Variants in TMEM74 observed in about 807,000 individuals in gnomAD.
The protein encoded by TMEM74 is transmembrane protein 74.
Under a neutral mutation model 18.1 loss-of-function variants are expected in TMEM74, and 13 were observed. The ratio of observed to expected loss-of-function variants is 0.72; its 90% CI spans 0.47 to 1.14. The LOEUF (loss-of-function observed/expected upper bound fraction) is 1.14, where lower values mean the gene tolerates loss of function less well. Ranked by LOEUF, TMEM74 falls within the 50% of genes most tolerant of loss-of-function variation. The pLI is 0.00. For synonymous variants in TMEM74, 159 were observed against 146.6 expected, an observed-to-expected ratio of 1.08 and a Z score of -0.61; for missense variants, 372 against 375.9, an observed-to-expected ratio of 0.99 and a Z score of 0.09.
chr8:108,695,495 C>T (rs563435899), intron 1 of TMEM74, among the ~76,000 whole-genome samples: 6 of 152,110 alleles, frequency 3.9e-5, no homozygotes, highest in Non-Finnish European at 8.8e-5. Context: ...CACAATGACT[C>T]TATGTCATAG....
intron 1 of TMEM74, among the ~76,000 whole-genome samples, chr8:108,679,770 T>C (rs1396308291): frequency 6.6e-6 from 1 of 152,192 alleles, no homozygotes; most frequent in Non-Finnish European, 1.5e-5. Context: ...CATTTGTCAA[T>C]TTTGGCTTTT....
At position 108,649,178 on chromosome 8, in the gene TMEM74, G is replaced by A. The variant is rs186513344; in HGVS notation, n.264+6115C>T. ...CTTTCAAAGAGCAATTATGTTCCTA[G>A]AAGTCTCATCTTGAGCATGTTGCTT... On this transcript the variant is annotated intron_variant and non_coding_transcript_variant, in intron 2 of 3. Coordinates refer to the TMEM74 transcript ENST00000518838. Among the ~76,000 whole-genome samples, 1,029 of 152,208 alleles carry A rather than the reference G, an allele frequency of 6.8e-3. 8 individuals are homozygous for A. Among genetic ancestry groups the A allele is most frequent in the Non-Finnish European group, 0.011 (747 of 68,006 alleles).
intron 1 of TMEM74, among the ~76,000 whole-genome samples, chr8:108,756,699 G>GAAAGAAAGAAA (rs1563543826): frequency 1.6e-4 from 7 of 44,456 alleles, no homozygotes; most frequent in Middle Eastern, 0.012. Flanking sequence ...AAAGAAAGAA[G>GAAAGAAAGAAA]GAAGGAAAGA....
chr8:108,755,666 A>G (rs1813952407), intron 1 of TMEM74, among the ~76,000 whole-genome samples: 2 of 152,034 alleles, frequency 1.3e-5, no homozygotes, highest in African/African-American at 2.4e-5. Flanking sequence ...TTTTTTAATG[A>G]TGTTTAAGAA....
intron 2 of TMEM74, among the ~76,000 whole-genome samples, chr8:108,612,103 C>A (rs1238213984): frequency 6.6e-6 from 1 of 152,086 alleles, no homozygotes; most frequent in East Asian, 1.9e-4. Flanking sequence ...AATCACCTCC[C>A]AATGGGCCCC....
At chr8:108,625,829 T>A (rs1812488139) in intron 2 of TMEM74, among the ~76,000 whole-genome samples, 1 of 151,990 alleles carries the variant, frequency 6.6e-6, no homozygotes, top group Admixed American at 6.6e-5. Flanking sequence ...CCTAAAAAAA[T>A]TATATTTGGA....
At chr8:108,735,778 C>T (rs1000987018) in intron 1 of TMEM74, among the ~76,000 whole-genome samples, 1 of 152,082 alleles carries the variant, frequency 6.6e-6, no homozygotes, top group Non-Finnish European at 1.5e-5. Flanking sequence ...ATATTGCCCA[C>T]TCCTTAATAT....
intron 1 of TMEM74, among the ~76,000 whole-genome samples, chr8:108,700,433 T>C (rs1586265965): frequency 6.6e-6 from 1 of 152,228 alleles, no homozygotes; most frequent in African/African-American, 2.4e-5. Context: ...CGAAATAAAA[T>C]TGTGCCCTAG....
chr8:108,774,064 A>G (rs1295833823), downstream of TMEM74, among the ~76,000 whole-genome samples: 1 of 152,238 alleles, frequency 6.6e-6, no homozygotes, highest in Non-Finnish European at 1.5e-5. Context: ...TCACTTGAGG[A>G]AAAAAGAAGG....
chr8:108,686,622 G>T (rs1586260822), intron 1 of TMEM74, among the ~76,000 whole-genome samples: 2 of 151,910 alleles, frequency 1.3e-5, no homozygotes, highest in Admixed American at 1.3e-4. Flanking sequence ...TCCTTTAGCT[G>T]GGTGAGTAAT....
chr8:108,623,403 A>G (rs1047693999), intron 2 of TMEM74, among the ~76,000 whole-genome samples: 1 of 152,110 alleles, frequency 6.6e-6, no homozygotes, highest in Non-Finnish European at 1.5e-5. Context: ...TAGTCTTGAA[A>G]TGGCTTCTCC....
intron 1 of TMEM74, among the ~76,000 whole-genome samples, chr8:108,735,520 G>T (rs1247083315): frequency 6.6e-6 from 1 of 152,164 alleles, no homozygotes; most frequent in Non-Finnish European, 1.5e-5. Flanking sequence ...GTTCCTGCAT[G>T]TTGTAGAATG....
rs541280781 is a variant in TMEM74 at position 108,782,263 on chromosome 8, A to G, written c.*1918T>C. Reference sequence around the variant, plus strand: ...CAGCCTCAACAAAAATCATGAAATGAGAGTCACAGTAAAACAAAGTTTGTT... The same window carrying G: ...CAGCCTCAACAAAAATCATGAAATGGGAGTCACAGTAAAACAAAGTTTGTT... On this transcript the variant is annotated 3_prime_UTR_variant, in exon 2 of 2. Coordinates refer to ENST00000297459, the MANE Select transcript of TMEM74 (RefSeq NM_153015.3). Among the ~76,000 whole-genome samples the G allele has an allele frequency of 6.6e-5, 10 of 152,318 alleles. No homozygotes were observed. The South Asian group carries it at 2.1e-3, about 32-fold the overall frequency.
chr8:108,698,458 C>T lies in TMEM74; in HGVS notation n.120-43021G>A, dbSNP rs574710050. Among the ~76,000 whole-genome samples the T allele has an allele frequency of 6.3e-4, 96 of 152,262 alleles. 1 individual carries two copies. The highest frequency in any genetic ancestry group is 2.2e-3 in the African/African-American group (91 of 41,560). ...CTCAGCTGTAGAATGGACATAATTA[C>T]GTTATTTAATTCTCTGGTATATCAT... On this transcript the variant is annotated intron_variant and non_coding_transcript_variant, in intron 1 of 3. Transcript: ENST00000518838.
intron 2 of TMEM74, among the ~76,000 whole-genome samples, chr8:108,640,366 G>A (rs1484676090): frequency 2.0e-5 from 3 of 151,636 alleles, no homozygotes; most frequent in South Asian, 2.1e-4. Context: ...TGCCTGCCTC[G>A]GCCTCCCAAA....
rs1405749938 is a variant in TMEM74, at chr8:108,785,765, A to T, written c.-39-628T>A. Among the ~76,000 whole-genome samples the T allele has an allele frequency of 2.6e-5, 4 of 152,290 alleles. No individual in the cohort carries two copies. In the East Asian group the frequency reaches 7.7e-4, roughly 29 times the overall value. On this transcript the variant is annotated intron_variant, in intron 1 of 1. Coordinates refer to ENST00000297459, the MANE Select transcript of TMEM74 (RefSeq NM_153015.3). Reference sequence around the variant, plus strand: ...TTAATCAGCCACCTCTGCTAAGCTTACACCTCATACATCCAATGACCCTAG... The same window carrying T: ...TTAATCAGCCACCTCTGCTAAGCTTTCACCTCATACATCCAATGACCCTAG...
intron 1 of TMEM74, among the ~76,000 whole-genome samples, chr8:108,725,515 C>A (rs1813628542): frequency 6.6e-6 from 1 of 152,142 alleles, no homozygotes; most frequent in East Asian, 1.9e-4. Flanking sequence ...GGGATAAGAA[C>A]ATACTCAGCT....
intron 2 of TMEM74, among the ~76,000 whole-genome samples, chr8:108,616,963 T>TAAA (rs1301051073): frequency 6.6e-6 from 1 of 151,652 alleles, no homozygotes; most frequent in African/African-American, 2.4e-5. Context: ...TGACTATATA[T>TAAA]TTATAGTCAG....
At chr8:108,735,175 A>T (rs1813735879) in intron 1 of TMEM74, among the ~76,000 whole-genome samples, 1 of 152,212 alleles carries the variant, frequency 6.6e-6, no homozygotes, top group South Asian at 2.1e-4. Flanking sequence ...GGACCCAGTC[A>T]TTGCCAATTT....
Sources: gnomAD v4.1 joint callset for allele counts (sites outside exome capture counted in the v4.1 genomes callset) on GRCh38, gnomAD v4.1.1 for gene constraint, MANE v1.5 for transcripts, NCBI Gene and HGNC (gene_info 2026-07-23, HGNC 2026-07-21) for gene names.